GABRG3: variants seen among roughly 807,000 people sequenced by gnomAD.
GABRG3 encodes the protein gamma-aminobutyric acid receptor subunit gamma-3.
In GABRG3, 25 loss-of-function variants were observed where a neutral mutation model predicts 48.8. The ratio of observed to expected loss-of-function variants is 0.51; its 90% CI spans 0.37 to 0.72. The LOEUF is 0.72. Among genes scored for constraint, GABRG3 ranks in the 30% least tolerant of loss-of-function variants. The probability of loss-of-function intolerance (pLI) is 0.00; values close to 1 mark genes in which losing one functional copy is unlikely to be tolerated. For missense variants in GABRG3, 394 were observed against 577.9 expected, an observed-to-expected ratio of 0.68 and a Z score of 3.26; for synonymous variants, 227 against 217.6, an observed-to-expected ratio of 1.04 and a Z score of -0.38.
chr15:26,981,070 T>TA (rs1895044665), intron 2 of GABRG3, among the ~76,000 whole-genome samples: 1 of 152,128 alleles, frequency 6.6e-6, no homozygotes, highest in Non-Finnish European at 1.5e-5. Context: ...CCCCTGAAGT[T>TA]AAAATAAAAG....
rs77676335 is a variant in GABRG3, at chr15:27,155,897, G to A, written c.270+129076G>A. Among the ~76,000 whole-genome samples, 352 of 152,238 alleles carry A rather than the reference G, an allele frequency of 2.3e-3. 4 individuals are homozygous for A. The highest frequency in any genetic ancestry group is 8.3e-3 in the African/African-American group (344 of 41,538). ...GTTGAGGGATGGATGCCTTATTGTAGCCCAGTAAGGGTAGAATTCAGGGCT... is the reference window on the plus strand; with the variant it reads ...GTTGAGGGATGGATGCCTTATTGTAACCCAGTAAGGGTAGAATTCAGGGCT... On this transcript the variant is annotated intron_variant, in intron 3 of 9. Transcript: ENST00000615808.
intron 3 of GABRG3, among the ~76,000 whole-genome samples, chr15:27,109,807 G>A (rs1254858104): frequency 1.3e-5 from 2 of 152,190 alleles, no homozygotes; most frequent in African/African-American, 2.4e-5. Flanking sequence ...ACTTGAACTC[G>A]GGAGAGGGAG....
chr15:27,451,403 T>G (rs889484629), intron 5 of GABRG3, among the ~76,000 whole-genome samples: 56 of 152,122 alleles, frequency 3.7e-4, no homozygotes, highest in Non-Finnish European at 1.0e-4. Context: ...GGTCAATTAA[T>G]TTTTAAAAAA....
intron 2 of GABRG3, among the ~76,000 whole-genome samples, chr15:27,005,311 C>T (rs1566906834): frequency 6.6e-6 from 1 of 152,146 alleles, no homozygotes; most frequent in Non-Finnish European, 1.5e-5. Flanking sequence ...AGCAATTCTT[C>T]TGCCTCAGCC....
At chr15:27,020,450 C>T (rs1235259666) in intron 2 of GABRG3, among the ~76,000 whole-genome samples, 4 of 152,172 alleles carry the variant, frequency 2.6e-5, no homozygotes, top group Admixed American at 2.0e-4. Flanking sequence ...CTCGCTCTTT[C>T]GCCCAGGCTG....
At chr15:27,098,412 TGACA>T (rs904845703) in intron 3 of GABRG3, among the ~76,000 whole-genome samples, 2 of 152,146 alleles carry the variant, frequency 1.3e-5, no homozygotes, top group East Asian at 1.9e-4. Flanking sequence ...CCAGCCTGTG[TGACA>T]GACAGACACT....
At chr15:27,316,641 A>G (rs2140511505) in intron 3 of GABRG3, among the ~76,000 whole-genome samples, 1 of 152,346 alleles carries the variant, frequency 6.6e-6, no homozygotes, top group African/African-American at 2.4e-5. Flanking sequence ...TAACTTATGA[A>G]CATTTTTTAT....
chr15:27,033,778 T>C (rs35392588), intron 3 of GABRG3, among the ~76,000 whole-genome samples: 26,087 of 152,156 alleles, frequency 0.17, 2,375 homozygotes, highest in South Asian at 0.2. Flanking sequence ...AAAAATTTTA[T>C]TGCTGTCGTA....
chr15:27,122,773 C>T (rs1897753668), intron 3 of GABRG3, among the ~76,000 whole-genome samples: 1 of 152,192 alleles, frequency 6.6e-6, no homozygotes, highest in South Asian at 2.1e-4. Flanking sequence ...TCATGCTCCA[C>T]AAAGTAGAGA....
At chr15:27,433,384 G>A (rs1888513384) in intron 5 of GABRG3, among the ~76,000 whole-genome samples, 1 of 152,196 alleles carries the variant, frequency 6.6e-6, no homozygotes, top group Non-Finnish European at 1.5e-5. Context: ...TCTTCAGTAG[G>A]TTCTAGGAGA....
chr15:27,019,194 G>A (rs900863321), intron 2 of GABRG3, among the ~76,000 whole-genome samples: 8 of 149,062 alleles, frequency 5.4e-5, no homozygotes, highest in Admixed American at 3.4e-4. Flanking sequence ...TCAGCCTCCC[G>A]AGCAGCTGGG....
At chr15:27,467,064 C>T (rs1889634985) in intron 5 of GABRG3, among the ~76,000 whole-genome samples, 2 of 152,122 alleles carry the variant, frequency 1.3e-5, no homozygotes, top group Non-Finnish European at 1.5e-5. Context: ...AACTGGGTGG[C>T]TTAAACCACC....
At chr15:27,375,479 A>G (rs1036869081) in intron 5 of GABRG3, among the ~76,000 whole-genome samples, 1 of 152,196 alleles carries the variant, frequency 6.6e-6, no homozygotes, top group African/African-American at 2.4e-5. Context: ...CCGAGGGCAT[A>G]AGGCCTGGGG....
intron 5 of GABRG3, among the ~76,000 whole-genome samples, chr15:27,351,378 GGTGTGTGTGTATGGTATATGTGTGTATA>G (rs1004915598): frequency 6.8e-6 from 1 of 146,940 alleles, no homozygotes; most frequent in Non-Finnish European, 1.5e-5. Flanking sequence ...GTGTGTGTAT[GGTGTGTGTGTATGGTATATGTGTGTATA>G]GTGTTTGTGT....
chr15:27,158,238 A>C (rs1054090621), intron 3 of GABRG3: 2 of 152,226 alleles, frequency 1.3e-5, no homozygotes, highest in African/African-American at 4.8e-5. Flanking sequence ...ACACCAGGAC[A>C]GAGAAATAGG....
At chr15:27,211,667 C>A (rs1889084154) in intron 3 of GABRG3, among the ~76,000 whole-genome samples, 1 of 152,120 alleles carries the variant, frequency 6.6e-6, no homozygotes, top group African/African-American at 2.4e-5. Context: ...AGCCTGCTAA[C>A]CACCCCTAAG....
At chr15:27,507,070 C>T (rs899464111) in intron 6 of GABRG3, among the ~76,000 whole-genome samples, 7 of 152,048 alleles carry the variant, frequency 4.6e-5, no homozygotes, top group African/African-American at 1.2e-4. Flanking sequence ...AGATTTTCTT[C>T]CTGACCCATA....
chr15:27,139,684 G>A (rs542173712), intron 3 of GABRG3, among the ~76,000 whole-genome samples: 3 of 152,114 alleles, frequency 2.0e-5, no homozygotes, highest in Non-Finnish European at 4.4e-5. Context: ...TATTTGGTCT[G>A]TGACCCTGTT....
intron 5 of GABRG3, among the ~76,000 whole-genome samples, chr15:27,382,392 A>G (rs1895801602): frequency 6.6e-6 from 1 of 152,200 alleles, no homozygotes; most frequent in South Asian, 2.1e-4. Flanking sequence ...GGGCAGTGAC[A>G]GCTAAGTTAA....
Sources: gnomAD v4.1 joint callset for allele counts (sites outside exome capture counted in the v4.1 genomes callset) on GRCh38, gnomAD v4.1.1 for gene constraint, MANE v1.5 for transcripts, NCBI Gene and HGNC (gene_info 2026-07-23, HGNC 2026-07-21) for gene names.